Variants in PCDH15 observed in about 807,000 individuals in gnomAD.
The protein encoded by PCDH15 is protocadherin-15.
In PCDH15, 129 loss-of-function variants were observed where a neutral mutation model predicts 178.5. The observed-to-expected ratio is 0.72, with a 90% confidence interval of 0.63 to 0.84. The LOEUF (loss-of-function observed/expected upper bound fraction) is 0.84. Ranked by LOEUF, PCDH15 falls within the 40% of genes least tolerant of loss-of-function variation. The pLI, the probability that PCDH15 is intolerant of heterozygous loss-of-function variation, is 0.00. For synonymous variants in PCDH15, 800 were observed against 732.0 expected (o/e 1.09, Z -1.50); for missense variants, 2,230 against 2,099.9 (o/e 1.06, Z -1.21).
chr10:54,635,701 A>G (rs2093834248), intron 2 of PCDH15, among the ~76,000 whole-genome samples: 1 of 151,802 alleles, frequency 6.6e-6, no homozygotes, highest in South Asian at 2.1e-4. Flanking sequence ...ATTGTTATTC[A>G]CTCTCAATGT....
chr10:55,024,093 G>T (rs1840411070), intron 2 of PCDH15, among the ~76,000 whole-genome samples: 1 of 137,000 alleles, frequency 7.3e-6, no homozygotes, highest in Admixed American at 7.4e-5. Flanking sequence ...ATATATATAG[G>T]AAGGAATATA....
At chr10:54,930,502 C>G (rs1837746137) in intron 2 of PCDH15, among the ~76,000 whole-genome samples, 1 of 152,084 alleles carries the variant, frequency 6.6e-6, no homozygotes, top group Non-Finnish European at 1.5e-5. Flanking sequence ...AGGTATTTAC[C>G]CCAGACAACG....
intron 2 of PCDH15, among the ~76,000 whole-genome samples, chr10:55,622,015 TA>T (rs1412115042): frequency 7.0e-6 from 1 of 142,120 alleles, no homozygotes; most frequent in African/African-American, 2.6e-5. Context: ...GTATATATAA[TA>T]AATATTTATA....
At chr10:54,418,540 C>T (rs1415491773) in intron 3 of PCDH15, among the ~76,000 whole-genome samples, 1 of 151,778 alleles carries the variant, frequency 6.6e-6, no homozygotes, top group Non-Finnish European at 1.5e-5. Context: ...TTCGGTATGA[C>T]AGAAGACAAA....
At chr10:54,299,506 G>A (rs2060021199) in intron 8 of PCDH15, among the ~76,000 whole-genome samples, 1 of 152,168 alleles carries the variant, frequency 6.6e-6, no homozygotes, top group South Asian at 2.1e-4. Context: ...CCACCTTGTT[G>A]TCAGTGTAAA....
At chr10:54,905,486 TTTC>T (rs1410676024) in intron 2 of PCDH15, among the ~76,000 whole-genome samples, 1 of 152,158 alleles carries the variant, frequency 6.6e-6, no homozygotes, top group Non-Finnish European at 1.5e-5. Flanking sequence ...TTTCCATATT[TTTC>T]TTCATTTCTA....
intron 26 of PCDH15, among the ~76,000 whole-genome samples, chr10:53,878,227 T>TTGA (rs2080392739): frequency 1.8e-3 from 42 of 23,038 alleles, no homozygotes; most frequent in African/African-American, 2.6e-3. Context: ...TATATATATA[T>TTGA]ATATATATAT....
intron 1 of PCDH15, among the ~76,000 whole-genome samples, chr10:55,230,914 A>T (rs1841197467): frequency 6.6e-6 from 1 of 152,080 alleles, no homozygotes; most frequent in Admixed American, 6.6e-5. Flanking sequence ...GAAAGGCCTT[A>T]AATGCCCAAC....
intron 2 of PCDH15, among the ~76,000 whole-genome samples, chr10:55,533,126 T>C (rs1841491353): frequency 1.3e-5 from 2 of 152,056 alleles, no homozygotes; most frequent in Non-Finnish European, 2.9e-5. Flanking sequence ...AACATCATAC[T>C]GAATGGGCAA....
At chr10:54,788,112 A>C (rs1397207750) in intron 1 of PCDH15, among the ~76,000 whole-genome samples, 1 of 151,862 alleles carries the variant, frequency 6.6e-6, no homozygotes, top group Non-Finnish European at 1.5e-5. Context: ...ATATGGGAGG[A>C]AGGTTTGACT....
intron 2 of PCDH15, among the ~76,000 whole-genome samples, chr10:54,597,243 C>T (rs770859406): frequency 1.2e-4 from 18 of 152,058 alleles, no homozygotes; most frequent in South Asian, 2.1e-4. Flanking sequence ...ATCATACCAA[C>T]CACTCTCTTG....
At chr10:54,492,835 T>C (rs891316569) in intron 3 of PCDH15, among the ~76,000 whole-genome samples, 3 of 152,168 alleles carry the variant, frequency 2.0e-5, no homozygotes, top group Non-Finnish European at 2.9e-5. Flanking sequence ...CTAGTCTGTT[T>C]TCATGCTGCT....
chr10:54,715,383 G>C (rs912067488), intron 1 of PCDH15, among the ~76,000 whole-genome samples: 20 of 152,100 alleles, frequency 1.3e-4, no homozygotes, highest in African/African-American at 4.8e-4. Flanking sequence ...TGCAGAAACA[G>C]TCAAAATGGC....
At chr10:54,920,391 C>T (rs557179478) in intron 2 of PCDH15, among the ~76,000 whole-genome samples, 18 of 145,286 alleles carry the variant, frequency 1.2e-4, no homozygotes, top group African/African-American at 4.6e-4. Flanking sequence ...ATGGCTTGAA[C>T]CCGGGAGGCG....
intron 2 of PCDH15, among the ~76,000 whole-genome samples, chr10:55,625,988 A>G (rs1837518219): frequency 6.6e-6 from 1 of 152,138 alleles, no homozygotes; most frequent in African/African-American, 2.4e-5. Context: ...CAGGAAATGT[A>G]TAAACTATAC....
chr10:54,923,311 G>A (rs1161127400), intron 2 of PCDH15, among the ~76,000 whole-genome samples: 1 of 138,504 alleles, frequency 7.2e-6, no homozygotes. Flanking sequence ...GGCCTGTATT[G>A]GGTGGGACTG....
intron 2 of PCDH15, among the ~76,000 whole-genome samples, chr10:55,351,140 C>T (rs921187298): frequency 6.7e-6 from 1 of 148,324 alleles, no homozygotes; most frequent in Non-Finnish European, 1.5e-5. Flanking sequence ...TTTAAACCTA[C>T]CTAAAGAGTG....
intron 2 of PCDH15, among the ~76,000 whole-genome samples, chr10:54,536,997 C>CTTTTTTTT (rs747880795): frequency 4.3e-4 from 40 of 92,090 alleles, no homozygotes; most frequent in Non-Finnish European, 4.9e-4. Context: ...AATTTGTTTC[C>CTTTTTTTT]TTTTTTTTTT....
intron 23 of PCDH15, among the ~76,000 whole-genome samples, chr10:53,954,072 G>A (rs1288593977): frequency 6.6e-6 from 1 of 152,190 alleles, no homozygotes; most frequent in Non-Finnish European, 1.5e-5. Context: ...TTACAGGTGT[G>A]AGCAACTGCG....
Sources: gnomAD v4.1 joint callset for allele counts (sites outside exome capture counted in the v4.1 genomes callset) on GRCh38, gnomAD v4.1.1 for gene constraint, MANE v1.5 for transcripts, NCBI Gene and HGNC (gene_info 2026-07-23, HGNC 2026-07-21) for gene names.